JAK1: variants seen among roughly 807,000 people sequenced by gnomAD.
JAK1 encodes Janus kinase 1.
Under a neutral mutation model 136.6 loss-of-function variants are expected in JAK1, and 16 were observed. That is an observed-to-expected ratio of 0.12 (90% CI 0.08 to 0.18). The LOEUF is 0.18. JAK1 is among the 10% of genes least tolerant of loss of function. JAK1 has a pLI of 1.00. For missense variants in JAK1, 859 were observed against 1,450.1 expected (o/e 0.59, Z 6.62); for synonymous variants, 492 against 519.5 (o/e 0.95, Z 0.72).
chr1:64,862,066 T>A (rs1441896882), intron 8 of JAK1, among the ~76,000 whole-genome samples: 4 of 152,220 alleles, frequency 2.6e-5, no homozygotes, highest in African/African-American at 9.7e-5. Context: ...CATGCTGGTA[T>A]CAGGGTTTCT....
intron 2 of JAK1, chr1:64,985,863 G>T: frequency 1.6e-6 from 1 of 619,312 alleles, no homozygotes; most frequent in South Asian, 1.8e-5. Context: ...AACAGAAAAG[G>T]AGCTAATCAT....
intron 2 of JAK1, among the ~76,000 whole-genome samples, chr1:65,034,922 G>A (rs552833174): frequency 1.3e-5 from 2 of 152,232 alleles, no homozygotes; most frequent in African/African-American, 4.8e-5. Flanking sequence ...CAGGCATGGC[G>A]GTGTGCGCCT....
chr1:64,836,018 A>G (rs1654458156), intron 23 of JAK1, 80 bp downstream of exon 23: 1 of 787,032 alleles, frequency 1.3e-6, no homozygotes, highest in East Asian at 2.5e-5. Flanking sequence ...TTCCATTTAA[A>G]AACAAAAGTT....
chr1:64,886,702 G>T (rs1264826306), intron 1 of JAK1, among the ~76,000 whole-genome samples: 2 of 151,090 alleles, frequency 1.3e-5, no homozygotes, highest in African/African-American at 2.4e-5. Context: ...CCAAAAACGC[G>T]CACTTTAATT....
intron 4 of JAK1, 59 bp from the exon 5 acceptor site, chr1:64,873,582 C>T (rs954232365): frequency 3.9e-5 from 62 of 1,600,720 alleles, no homozygotes; most frequent in South Asian, 1.3e-4. Flanking sequence ...GTGGGCAGGG[C>T]GTCCTGGCTC....
intron 20 of JAK1, among the ~76,000 whole-genome samples, chr1:64,839,106 AC>A (rs1406348345): frequency 1.3e-4 from 18 of 136,220 alleles, no homozygotes; most frequent in Admixed American, 3.2e-4. Context: ...AGATTGCGCC[AC>A]TGCAGTCCAG....
At chr1:64,957,800 C>G (rs1010681425) in intron 1 of JAK1, among the ~76,000 whole-genome samples, 17 of 152,152 alleles carry the variant, frequency 1.1e-4, no homozygotes, top group African/African-American at 4.1e-4. Context: ...AAAAATTAGC[C>G]GGGCGCGGTG....
At chr1:64,858,602 CCATT>C (rs1455234906) in intron 9 of JAK1, among the ~76,000 whole-genome samples, 1 of 152,190 alleles carries the variant, frequency 6.6e-6, no homozygotes, top group Non-Finnish European at 1.5e-5. Flanking sequence ...CATGAAATAT[CCATT>C]CATTCAACAA....
chr1:65,004,915 G>A (rs1361551535), intron 2 of JAK1, among the ~76,000 whole-genome samples: 3 of 152,076 alleles, frequency 2.0e-5, no homozygotes, highest in Non-Finnish European at 4.4e-5. Context: ...TTCTGATATC[G>A]TGAAGGTGGG....
chr1:64,836,448 G>A (rs1426385001), intron 22 of JAK1, among the ~76,000 whole-genome samples: 1 of 151,818 alleles, frequency 6.6e-6, no homozygotes, highest in Non-Finnish European at 1.5e-5. Context: ...AAAATAACAC[G>A]CCAAGTCTGT....
intron 1 of JAK1, among the ~76,000 whole-genome samples, chr1:64,965,661 T>A (rs1646360214): frequency 6.6e-6 from 1 of 151,984 alleles, no homozygotes; most frequent in Non-Finnish European, 1.5e-5. Flanking sequence ...ATTCCCCGGG[T>A]AGTTCTCTCC....
chr1:64,966,158 C>T (rs1469533919), intron 1 of JAK1, among the ~76,000 whole-genome samples, 175 bp downstream of exon 1: 1 of 151,886 alleles, frequency 6.6e-6, no homozygotes, highest in Non-Finnish European at 1.5e-5. Flanking sequence ...CTGGAAATCC[C>T]CGCCTTCCCC....
chr1:64,849,970 G>C (rs1655482629), intron 12 of JAK1, among the ~76,000 whole-genome samples: 1 of 152,144 alleles, frequency 6.6e-6, no homozygotes, highest in African/African-American at 2.4e-5. Flanking sequence ...AACAATCTCG[G>C]GGACTCACTG....
chr1:64,839,749 T>C lies in JAK1; in HGVS notation c.2696A>G (p.Asp899Gly), dbSNP rs2100962359. ...AACAGCCACCTGCTCCCCTGTATTG[T>C]CCCCTTCGGGGTCATACCTGCAGAG... is the stretch of plus-strand genomic sequence containing the variant. ...VELCRYDPEG[D>G]NTGEQVAVKS... The change falls in exon 20 of 25, where the codon GAC (aspartate) becomes GGC (glycine). Residue 899 changes from aspartate (D) to glycine (G), a missense_variant. Physicochemically the swap from Asp to Gly is moderately conservative, Grantham distance 94. Transcript: ENST00000342505. 1 of 1,614,074 alleles carries C rather than the reference T, an allele frequency of 6.2e-7. No homozygotes were observed. The highest frequency in any genetic ancestry group is 8.5e-7 in the Non-Finnish European group (1 of 1,179,944).
chr1:65,031,155 CAAAAAAAAAA>C (rs375856684), intron 2 of JAK1, among the ~76,000 whole-genome samples: 1 of 68,282 alleles, frequency 1.5e-5, no homozygotes, highest in Non-Finnish European at 3.0e-5. Context: ...GACCCTATCT[CAAAAAAAAAA>C]AAAAAAAAAA....
intron 19 of JAK1, among the ~76,000 whole-genome samples, chr1:64,840,149 G>A (rs1654796349): frequency 6.6e-6 from 1 of 152,208 alleles, no homozygotes; most frequent in South Asian, 2.1e-4. Context: ...AGGCCCCACA[G>A]CATGGCTGAA....
intron 1 of JAK1, among the ~76,000 whole-genome samples, chr1:64,938,131 C>T (rs1486472906): frequency 1.3e-5 from 2 of 151,588 alleles, no homozygotes; most frequent in Admixed American, 6.6e-5. Context: ...CTGCCCACCT[C>T]GGCCTCCCAA....
At chr1:64,870,204 T>C (rs1361047848) in intron 5 of JAK1, among the ~76,000 whole-genome samples, 1 of 152,154 alleles carries the variant, frequency 6.6e-6, no homozygotes, top group Non-Finnish European at 1.5e-5. Flanking sequence ...GGCTCCTTTA[T>C]TTAGTCCTCA....
At chr1:64,887,908 A>G (rs899036186) in intron 1 of JAK1, among the ~76,000 whole-genome samples, 2 of 152,198 alleles carry the variant, frequency 1.3e-5, no homozygotes, top group African/African-American at 4.8e-5. Context: ...TGGGCACCCA[A>G]CAGCACTAGC....
Sources: gnomAD v4.1 joint callset for allele counts (sites outside exome capture counted in the v4.1 genomes callset) on GRCh38, gnomAD v4.1.1 for gene constraint, MANE v1.5 for transcripts, NCBI Gene and HGNC (gene_info 2026-07-23, HGNC 2026-07-21) for gene names.